Variants in DLGAP1 observed in about 807,000 individuals in gnomAD.
The protein encoded by DLGAP1 is DLG associated protein 1.
DLGAP1 carries 11 observed loss-of-function variants against 90.8 expected under a neutral mutation model. That is an observed-to-expected ratio of 0.12 (90% CI 0.08 to 0.20). The LOEUF is 0.20. Among genes scored for constraint, DLGAP1 ranks in the 10% least tolerant of loss-of-function variants. DLGAP1 has a pLI of 1.00. For synonymous variants in DLGAP1, 558 were observed against 540.7 expected (o/e 1.03, Z -0.44); for missense variants, 1,050 against 1,333.8 (o/e 0.79, Z 3.31).
intron 2 of DLGAP1, among the ~76,000 whole-genome samples, chr18:4,085,623 C>T (rs116302662): frequency 3.3e-5 from 5 of 152,340 alleles, no homozygotes; most frequent in African/African-American, 1.2e-4. Flanking sequence ...ACAAACTTTA[C>T]AAGTCTGTGT....
chr18:3,521,528 C>CCTTT (rs1412260766), intron 10 of DLGAP1, among the ~76,000 whole-genome samples: 1 of 152,130 alleles, frequency 6.6e-6, no homozygotes, highest in East Asian at 1.9e-4. Context: ...CTGTCTCTTC[C>CCTTT]CTTTGGTGCC....
chr18:4,447,371 A>G (rs1427040212), intron 1 of DLGAP1, among the ~76,000 whole-genome samples: 2 of 152,260 alleles, frequency 1.3e-5, no homozygotes, highest in Non-Finnish European at 2.9e-5. Context: ...CAGTAAGGTA[A>G]AGAAGACTAC....
intron 2 of DLGAP1, among the ~76,000 whole-genome samples, chr18:4,124,417 T>C (rs902819344): frequency 9.9e-5 from 15 of 152,180 alleles, no homozygotes; most frequent in African/African-American, 2.9e-4. Context: ...GCTTAGAATG[T>C]TGAATTTTGG....
intron 4 of DLGAP1, among the ~76,000 whole-genome samples, chr18:3,870,813 A>T (rs1438076651): frequency 6.6e-6 from 1 of 152,202 alleles, no homozygotes; most frequent in East Asian, 1.9e-4. Flanking sequence ...CCTAAAGATC[A>T]CATATCCTAA....
chr18:3,896,679 A>G (rs2071633118), intron 3 of DLGAP1: 1 of 152,248 alleles, frequency 6.6e-6, no homozygotes, highest in South Asian at 2.1e-4. Flanking sequence ...GGACATCGGA[A>G]ATGTCTCAGA....
At chr18:4,042,253 G>A (rs2074986047) in intron 2 of DLGAP1, among the ~76,000 whole-genome samples, 1 of 152,166 alleles carries the variant, frequency 6.6e-6, no homozygotes, top group South Asian at 2.1e-4. Context: ...TGTTTCAAGT[G>A]TCCTGATTAA....
intron 3 of DLGAP1, among the ~76,000 whole-genome samples, chr18:3,900,653 A>T (rs1389712541): frequency 6.6e-6 from 1 of 152,202 alleles, no homozygotes; most frequent in Non-Finnish European, 1.5e-5. Flanking sequence ...AGACTTGTAA[A>T]AGAGGAACAT....
At chr18:3,702,857 G>A (rs2061325509) in intron 7 of DLGAP1, among the ~76,000 whole-genome samples, 1 of 152,180 alleles carries the variant, frequency 6.6e-6, no homozygotes, top group Non-Finnish European at 1.5e-5. Context: ...GGTACAGGCA[G>A]TTCATCCAGG....
chr18:3,808,401 G>C (rs1301901089), intron 5 of DLGAP1, among the ~76,000 whole-genome samples: 1 of 152,138 alleles, frequency 6.6e-6, no homozygotes, highest in Non-Finnish European at 1.5e-5. Flanking sequence ...AGTCAGGGAA[G>C]AATGGGACAC....
At chr18:4,235,867 AG>A (rs1166132138) in intron 1 of DLGAP1, among the ~76,000 whole-genome samples, 2 of 151,948 alleles carry the variant, frequency 1.3e-5, no homozygotes, top group East Asian at 3.9e-4. Context: ...CTGGGATTGC[AG>A]GCATGCGCCA....
intron 3 of DLGAP1, among the ~76,000 whole-genome samples, chr18:3,886,551 C>T (rs1568280030): frequency 1.3e-5 from 2 of 151,548 alleles, no homozygotes; most frequent in Admixed American, 1.3e-4. Context: ...TTTTTGTACC[C>T]ATTAATCATC....
At chr18:3,776,984 G>A (rs1192834028) in intron 5 of DLGAP1, among the ~76,000 whole-genome samples, 1 of 148,256 alleles carries the variant, frequency 6.7e-6, no homozygotes, top group African/African-American at 2.6e-5. Flanking sequence ...GTAGAGACAG[G>A]GTCTCACTAT....
In DLGAP1 at chr18:3,658,556, C is replaced by A. The variant is rs552825428; in HGVS notation, c.1591+70579G>T. On this transcript the variant is annotated intron_variant, in intron 7 of 12. Transcript: ENST00000315677. The stretch of plus-strand genomic sequence containing the variant: ...GCCAGTTATTTCAAAACCTGTGAAG[C>A]CTTTCATTGCAAAAATAAACTATAC... Among the ~76,000 whole-genome samples, 3 of 152,194 alleles carry A rather than the reference C, an allele frequency of 2.0e-5. No individual in the cohort carries two copies. The South Asian group carries it at 6.2e-4, about 32-fold the overall frequency.
chr18:3,643,315 C>T (rs1023512671), intron 7 of DLGAP1, among the ~76,000 whole-genome samples: 2 of 152,116 alleles, frequency 1.3e-5, no homozygotes, highest in African/African-American at 2.4e-5. Context: ...GGGGTATTCT[C>T]TCTAATATAT....
intron 2 of DLGAP1, among the ~76,000 whole-genome samples, chr18:4,033,120 T>C (rs1027343898): frequency 2.0e-5 from 3 of 152,204 alleles, no homozygotes; most frequent in Non-Finnish European, 4.4e-5. Flanking sequence ...AACCTTTCCC[T>C]AGTTTCTGCC....
At chr18:4,117,290 T>C (rs754567525) in intron 2 of DLGAP1, among the ~76,000 whole-genome samples, 10 of 152,250 alleles carry the variant, frequency 6.6e-5, no homozygotes, top group Non-Finnish European at 1.3e-4. Flanking sequence ...TACTTTGTTA[T>C]GGTGTCCCTA....
intron 5 of DLGAP1, among the ~76,000 whole-genome samples, chr18:3,755,607 A>G (rs1033843018): frequency 3.3e-5 from 5 of 152,246 alleles, no homozygotes; most frequent in African/African-American, 7.2e-5. Context: ...AAGTCTTAGT[A>G]CATCAGGAAA....
chr18:3,853,653 T>C (rs1302413627), intron 4 of DLGAP1, among the ~76,000 whole-genome samples: 1 of 151,986 alleles, frequency 6.6e-6, no homozygotes, highest in Non-Finnish European at 1.5e-5. Flanking sequence ...CATTAAGTGA[T>C]GCCTGGTTGT....
chr18:4,067,612 G>T (rs1489081372), intron 2 of DLGAP1, among the ~76,000 whole-genome samples: 3 of 151,408 alleles, frequency 2.0e-5, no homozygotes, highest in African/African-American at 7.3e-5. Context: ...AGTCTGATAA[G>T]AAACTTTTAT....
Sources: gnomAD v4.1 joint callset for allele counts (sites outside exome capture counted in the v4.1 genomes callset) on GRCh38, gnomAD v4.1.1 for gene constraint, MANE v1.5 for transcripts, NCBI Gene and HGNC (gene_info 2026-07-23, HGNC 2026-07-21) for gene names.